The following SMARCB1 variants were observed in gnomAD, a reference collection of about 807,000 sequenced individuals.
SMARCB1 encodes the protein SWI/SNF related BAF chromatin remodeling complex subunit B1, also known as SWI/SNF-related matrix-associated actin-dependent regulator of chromatin subfamily B member 1.
SMARCB1 carries 5 observed loss-of-function variants against 49.0 expected under a neutral mutation model. The observed-to-expected ratio is 0.10, with a 90% CI of 0.05 to 0.21. The LOEUF (loss-of-function observed/expected upper bound fraction) is 0.21. Ranked by LOEUF, SMARCB1 falls within the 10% of genes least tolerant of loss-of-function variation. The probability of loss-of-function intolerance (pLI) is 1.00; values close to 1 mark genes in which losing one functional copy is unlikely to be tolerated. For missense variants in SMARCB1, 226 were observed against 509.2 expected, an observed-to-expected ratio of 0.44 and a Z score of 5.35; for synonymous variants, 201 against 200.1, an observed-to-expected ratio of 1.00 and a Z score of -0.04.
intron 3 of SMARCB1, 151 bp downstream of exon 3, chr22:23,793,839 T>A (rs1299818554): frequency 1.5e-5 from 12 of 817,500 alleles, no homozygotes; most frequent in Middle Eastern, 3.4e-4. Flanking sequence ...TGGAGTGCAG[T>A]GGCACGATCT....
chr22:23,828,341 G>A (rs1042873844), intron 7 of SMARCB1, among the ~76,000 whole-genome samples: 5 of 147,832 alleles, frequency 3.4e-5, no homozygotes, highest in Non-Finnish European at 7.5e-5. Flanking sequence ...GTGAGCCACC[G>A]CGCTCGGCCA....
chr22:23,827,857 A>G (rs1000853318), intron 7 of SMARCB1, among the ~76,000 whole-genome samples: 1 of 151,882 alleles, frequency 6.6e-6, no homozygotes, highest in African/African-American at 2.4e-5. Flanking sequence ...ACCCCACCCC[A>G]TGGGATCTTA....
chr22:23,834,774 AG>A lies in SMARCB1; in HGVS notation c.*595del, dbSNP rs2030901825. The A allele has an allele frequency of 7.4e-7, 1 of 1,346,574 alleles. No individual in the cohort carries two copies. The highest frequency in any genetic ancestry group is 9.7e-7 in the Non-Finnish European group (1 of 1,033,612). The allele number at this position is 1,346,574 out of a possible 1,614,324, so 83.4% of individuals were successfully genotyped here. A position where few individuals can be genotyped will look rare whatever the true frequency, so the allele number is the denominator to read the frequency against. ...AAGAGTAGCTGTGAGGCTCAGGGCA[AG>A]AGGCTCTCTGCCTTTCAGGAACAGC... On this transcript the variant is annotated 3_prime_UTR_variant, in exon 9 of 9. Coordinates refer to ENST00000644036, the MANE Select transcript of SMARCB1 (RefSeq NM_003073.5).
At chr22:23,793,803 T>G in intron 3 of SMARCB1, 115 bp downstream of exon 3, 1 of 949,412 alleles carries the variant, frequency 1.1e-6, no homozygotes, top group Non-Finnish European at 1.6e-6. Context: ...TTTTTTGAGA[T>G]GGAATCTTGT....
intron 5 of SMARCB1, among the ~76,000 whole-genome samples, chr22:23,809,888 G>C (rs956420367): frequency 1.3e-5 from 2 of 152,024 alleles, no homozygotes; most frequent in Non-Finnish European, 2.9e-5. Flanking sequence ...AGAAAACTAA[G>C]TGCTGGGCGG....
intron 4 of SMARCB1, chr22:23,801,512 C>G: frequency 5.0e-6 from 2 of 402,930 alleles, no homozygotes; most frequent in East Asian, 6.3e-5. Context: ...CCTCACAGTT[C>G]TGGGGCCCAG....
In SMARCB1 at chr22:23,791,356, C is replaced by A. The variant is rs1403762232; in HGVS notation, c.94-400C>A. On this transcript the variant is annotated intron_variant, in intron 1 of 8. Transcript: ENST00000644036. ...CTGGCATCTGTCTAAAATTAAAAGA[C>A]CTTTTTGGTGTTTATTACATTGTAA... 3.3e-5 allele frequency among the ~76,000 whole-genome samples: 5 copies of A among 152,172 alleles called. No homozygotes were observed. The South Asian group carries it at 8.3e-4, about 25-fold the overall frequency.
At chr22:23,811,443 T>C (rs1490903813) in intron 5 of SMARCB1, among the ~76,000 whole-genome samples, 2 of 152,242 alleles carry the variant, frequency 1.3e-5, no homozygotes, top group Non-Finnish European at 2.9e-5. Context: ...ATGCACATTC[T>C]TTTCAAGTGC....
At chr22:23,831,518 GGACA>G (rs1158686877) in intron 7 of SMARCB1, among the ~76,000 whole-genome samples, 3 of 152,274 alleles carry the variant, frequency 2.0e-5, no homozygotes, top group African/African-American at 7.2e-5. Context: ...TTGGAACTCA[GGACA>G]GCATCTCCAT....
intron 5 of SMARCB1, chr22:23,803,888 C>T (rs1338543342): frequency 8.0e-6 from 2 of 249,766 alleles, no homozygotes; most frequent in Non-Finnish European, 1.6e-5. Context: ...TCTCTTCTGG[C>T]TCTTCCTGGG....
intron 5 of SMARCB1, among the ~76,000 whole-genome samples, chr22:23,812,773 C>T (rs1283069702): frequency 6.6e-6 from 1 of 151,546 alleles, no homozygotes; most frequent in Non-Finnish European, 1.5e-5. Context: ...TAGAACTCAA[C>T]ACCTGATGAT....
At chr22:23,817,190 C>T in intron 6 of SMARCB1, 1 of 579,018 alleles carries the variant, frequency 1.7e-6, no homozygotes, top group Non-Finnish European at 3.1e-6. Context: ...TGAGCAAAGC[C>T]CGGAGGTCTA....
rs941264665 is a variant in SMARCB1, at chr22:23,787,355, C to T, written c.93+93C>T. 5 of 585,820 alleles carry T rather than the reference C, an allele frequency of 8.5e-6. No individual in the cohort carries two copies. In the South Asian group the frequency reaches 9.7e-5, roughly 11 times the overall value. The allele number at this position is 585,820 out of a possible 1,614,324, so 36.3% of individuals were successfully genotyped here. Reference sequence around the variant, plus strand: ...GCCGAGAGCGCGCGTCTCCATTCATCGGGGCGGGCGGGCGCGCGCGCGCGC... The same window carrying T: ...GCCGAGAGCGCGCGTCTCCATTCATTGGGGCGGGCGGGCGCGCGCGCGCGC... On this transcript the variant is annotated intron_variant, in intron 1 of 8. Transcript: ENST00000644036.
rs529070023 is a variant in SMARCB1, at chr22:23,807,643, C to T, written c.628+4221C>T. On this transcript the variant is annotated intron_variant, in intron 5 of 8. Transcript: ENST00000644036. ...ATTCAGGAAGCCAAGTGAAGCCCAA[C>T]ATGATTAACCCAAAGCAATCCATGC... 3.3e-5 allele frequency among the ~76,000 whole-genome samples: 5 copies of T among 151,500 alleles called. No individual in the cohort carries two copies. The South Asian group carries it at 1.0e-3, about 32-fold the overall frequency.
At chr22:23,794,874 G>A (rs1265852132) in intron 3 of SMARCB1, among the ~76,000 whole-genome samples, 1 of 151,856 alleles carries the variant, frequency 6.6e-6, no homozygotes, top group East Asian at 1.9e-4. Context: ...CTCCAGACTG[G>A]GCAACAAGAG....
chr22:23,837,126 G>C lies in SMARCB1; in HGVS notation c.*2946G>C. 6.2e-7 allele frequency: 1 copy of C among 1,614,010 alleles called. No individual in the cohort carries two copies. Among genetic ancestry groups the C allele is most frequent in the Non-Finnish European group, 8.5e-7 (1 of 1,179,926 alleles). Reference sequence around the variant, plus strand: ...GCTGGTTGGGGAAGACGTCCTCCAGGAAGTAGTAGATATGGCCCACCGCAA... The same window carrying C: ...GCTGGTTGGGGAAGACGTCCTCCAGCAAGTAGTAGATATGGCCCACCGCAA... On this transcript the variant is annotated 3_prime_UTR_variant, in exon 9 of 9. Coordinates refer to ENST00000644036, the MANE Select transcript of SMARCB1 (RefSeq NM_003073.5).
At position 23,787,180 on chromosome 22, in the gene SMARCB1, T is replaced by C. The variant is rs371477865; in HGVS notation, c.11T>C (p.Met4Thr). The C allele has an allele frequency of 1.0e-5, 16 of 1,606,560 alleles. No homozygotes were observed. The highest frequency in any genetic ancestry group is 8.5e-7 in the Non-Finnish European group (1 of 1,175,540). Residue 4 changes from methionine (M) to threonine (T), a missense_variant, in exon 1 of 9, where the codon ATG becomes ACG. Met to Thr is a moderately conservative substitution (Grantham distance 81). This residue lies in a region of SMARCB1 where 37 missense variants were observed against 36.9 expected (regional missense o/e 1.00). Transcript: ENST00000644036. ...GCCTCTGCCGCCGCAATGATGATGA[T>C]GGCGCTGAGCAAGACCTTCGGGCAG... The part of the protein sequence containing the change: MMM[M>T]ALSKTFGQKP...
chr22:23,798,154 C>G (rs1001138318), intron 3 of SMARCB1, among the ~76,000 whole-genome samples: 4 of 152,214 alleles, frequency 2.6e-5, no homozygotes, highest in Non-Finnish European at 5.9e-5. Context: ...CAAATACAGG[C>G]TCAGCTACCT....
intron 5 of SMARCB1, among the ~76,000 whole-genome samples, chr22:23,809,881 A>G (rs1030713529): frequency 7.9e-5 from 12 of 151,994 alleles, no homozygotes; most frequent in African/African-American, 2.9e-4. Flanking sequence ...AGATGAAAGA[A>G]AACTAAGTGC....
Sources: allele counts gnomAD v4.1 joint callset (sites outside exome capture counted in the v4.1 genomes callset), GRCh38; gene constraint gnomAD v4.1.1; regional missense constraint gnomAD v4.1.1; transcripts MANE v1.5; gene names NCBI Gene and HGNC (gene_info 2026-07-23, HGNC 2026-07-21).